The following RABGAP1L variants were observed in gnomAD, a reference collection of about 807,000 sequenced individuals.
RABGAP1L encodes RAB GTPase activating protein 1 like.
RABGAP1L carries 63 observed loss-of-function variants against 137.7 expected under a neutral mutation model. The ratio of observed to expected loss-of-function variants is 0.46; its 90% confidence interval spans 0.37 to 0.56. The LOEUF (loss-of-function observed/expected upper bound fraction) is 0.56. RABGAP1L is among the 20% of genes least tolerant of loss of function. RABGAP1L has a pLI of 0.00. For synonymous variants in RABGAP1L, 431 were observed against 433.7 expected (o/e 0.99, Z 0.08); for missense variants, 1,095 against 1,244.0 (o/e 0.88, Z 1.80).
chr1:174,398,426 T>C (rs1249194276), intron 13 of RABGAP1L, among the ~76,000 whole-genome samples: 2 of 152,152 alleles, frequency 1.3e-5, no homozygotes, highest in African/African-American at 2.4e-5. Flanking sequence ...TTCTTCTTAG[T>C]GTAAACTATC....
intron 14 of RABGAP1L, among the ~76,000 whole-genome samples, chr1:174,672,051 A>G (rs1338329597): frequency 6.6e-6 from 1 of 152,092 alleles, no homozygotes; most frequent in Non-Finnish European, 1.5e-5. Flanking sequence ...GTAATATTTC[A>G]TCCTTGATCA....
intron 13 of RABGAP1L, among the ~76,000 whole-genome samples, chr1:174,584,854 C>A (rs1292680047): frequency 1.3e-5 from 2 of 151,154 alleles, no homozygotes; most frequent in African/African-American, 4.9e-5. Context: ...TTTTTTAATC[C>A]CTCCTACAGA....
At chr1:174,482,278 T>C (rs1267099208) in intron 13 of RABGAP1L, among the ~76,000 whole-genome samples, 1 of 152,226 alleles carries the variant, frequency 6.6e-6, no homozygotes, top group Non-Finnish European at 1.5e-5. Flanking sequence ...ACTTACGACT[T>C]ACCAAATTGT....
chr1:174,896,664 C>T (rs889915949), intron 19 of RABGAP1L, among the ~76,000 whole-genome samples: 3 of 152,172 alleles, frequency 2.0e-5, no homozygotes, highest in African/African-American at 7.2e-5. Flanking sequence ...GTATGGCTAG[C>T]CAGTTTTCCC....
intron 15 of RABGAP1L, among the ~76,000 whole-genome samples, chr1:174,687,359 G>T (rs563114419): frequency 1.3e-5 from 2 of 152,212 alleles, no homozygotes; most frequent in Non-Finnish European, 2.9e-5. Flanking sequence ...GTGTTGTCAT[G>T]GCTTTTATAA....
chr1:174,722,240 T>C (rs1681607702), intron 17 of RABGAP1L, among the ~76,000 whole-genome samples: 1 of 152,174 alleles, frequency 6.6e-6, no homozygotes, highest in Non-Finnish European at 1.5e-5. Context: ...TACTCAATTT[T>C]TTTATGGTTG....
intron 13 of RABGAP1L, among the ~76,000 whole-genome samples, chr1:174,575,249 G>GT (rs1014285880): frequency 5.9e-5 from 9 of 152,206 alleles, no homozygotes; most frequent in African/African-American, 1.7e-4. Flanking sequence ...AGTTTTTGTA[G>GT]TTTTTTCCAG....
intron 13 of RABGAP1L, among the ~76,000 whole-genome samples, chr1:174,410,615 C>A (rs1411929901): frequency 1.3e-5 from 2 of 151,974 alleles, no homozygotes; most frequent in Non-Finnish European, 2.9e-5. Context: ...GTTTTTGTAC[C>A]AATTATCATG....
intron 14 of RABGAP1L, among the ~76,000 whole-genome samples, chr1:174,659,444 C>T (rs1016393812): frequency 2.6e-5 from 4 of 152,178 alleles, no homozygotes; most frequent in Non-Finnish European, 4.4e-5. Flanking sequence ...TCAGCACCAT[C>T]GTGCACTGTT....
At chr1:174,202,117 G>A (rs1668154035) in intron 1 of RABGAP1L, among the ~76,000 whole-genome samples, 1 of 151,914 alleles carries the variant, frequency 6.6e-6, no homozygotes, top group African/African-American at 2.4e-5. Flanking sequence ...ACATACGTGT[G>A]CATGTGTCTT....
intron 17 of RABGAP1L, among the ~76,000 whole-genome samples, chr1:174,733,159 A>C (rs1682647988): frequency 6.6e-6 from 1 of 152,176 alleles, no homozygotes; most frequent in Non-Finnish European, 1.5e-5. Flanking sequence ...CCTCTCCAAA[A>C]AAGAATAAAA....
intron 10 of RABGAP1L, among the ~76,000 whole-genome samples, chr1:174,292,783 T>TCA (rs1190495147): frequency 1.3e-5 from 2 of 152,194 alleles, no homozygotes; most frequent in African/African-American, 4.8e-5. Context: ...AAGATTTTCC[T>TCA]GTGATCTTTA....
rs1322915666 is a variant in RABGAP1L, at chr1:174,787,240, T to TA, written c.2212-24585dup. On this transcript the variant is annotated intron_variant, in intron 18 of 25. Coordinates refer to ENST00000681986, the MANE Select transcript of RABGAP1L (RefSeq NM_001366446.1). ...CAACATGGTGAAACCCTGTCTCTAC[T>TA]AAAAAAACAAAAATGAACCGGGCGT... is the stretch of plus-strand genomic sequence containing the variant. Among the ~76,000 whole-genome samples, 8 of 151,868 alleles carry TA rather than the reference T, an allele frequency of 5.3e-5. No homozygotes were observed. The East Asian group carries it at 1.4e-3, about 26-fold the overall frequency.
chr1:174,877,458 G>A (rs1363174239), intron 19 of RABGAP1L: 2 of 1,612,918 alleles, frequency 1.2e-6, no homozygotes, highest in East Asian at 2.2e-5. Context: ...CTGGAGCTGG[G>A]ACAGCAGCTG....
chr1:174,421,543 T>A (rs2149165740), intron 13 of RABGAP1L, among the ~76,000 whole-genome samples: 1 of 152,326 alleles, frequency 6.6e-6, no homozygotes, highest in South Asian at 2.1e-4. Flanking sequence ...CCTGAAATAA[T>A]TTTTTTAGCA....
At position 174,698,308 on chromosome 1, in the gene RABGAP1L, C is replaced by T. The variant is rs540189259; in HGVS notation, c.1900-1217C>T. Reference sequence around the variant, plus strand: ...GATACCACTGTTTAGAGGTTTGTTCCTTTGACTTCAGACTTTATTCCCTGT... The same window carrying T: ...GATACCACTGTTTAGAGGTTTGTTCTTTTGACTTCAGACTTTATTCCCTGT... On this transcript the variant is annotated intron_variant, in intron 15 of 25. Transcript: ENST00000681986. Among the ~76,000 whole-genome samples the T allele has an allele frequency of 4.6e-5, 7 of 152,166 alleles. No individual in the cohort carries two copies. The South Asian group carries it at 1.5e-3, about 32-fold the overall frequency.
intron 10 of RABGAP1L, among the ~76,000 whole-genome samples, chr1:174,294,817 A>G (rs1676963423): frequency 6.6e-6 from 1 of 152,036 alleles, no homozygotes; most frequent in South Asian, 2.1e-4. Context: ...AGGTGTGATT[A>G]TTTTCAGGTG....
rs139540193 is a variant in RABGAP1L at position 174,769,179 on chromosome 1, A to T, written c.2211+16825A>T. On this transcript the variant is annotated intron_variant, in intron 18 of 25. Coordinates refer to ENST00000681986, the MANE Select transcript of RABGAP1L (RefSeq NM_001366446.1). ...ATTATTACTCAAATCAGTCTCATTG[A>T]AGGTTAGGGATTTTCCCAAGGTAGT... 1.2e-3 allele frequency among the ~76,000 whole-genome samples: 184 copies of T among 152,234 alleles called. 4 individuals carry two copies. In the East Asian group the frequency reaches 0.022, roughly 18 times the overall value.
At chr1:174,961,876 A>C in intron 20 of RABGAP1L, among the ~76,000 whole-genome samples, 1 of 125,390 alleles carries the variant, frequency 8.0e-6, no homozygotes, top group Non-Finnish European at 1.7e-5. Flanking sequence ...AAAAGAAACG[A>C]CCAGGTGCAG....
Sources: gnomAD v4.1 joint callset for allele counts (sites outside exome capture counted in the v4.1 genomes callset) on GRCh38, gnomAD v4.1.1 for gene constraint, MANE v1.5 for transcripts, NCBI Gene and HGNC (gene_info 2026-07-23, HGNC 2026-07-21) for gene names.